Variants in COG5 observed in about 807,000 individuals in gnomAD.
The protein encoded by COG5 is conserved oligomeric Golgi complex subunit 5.
A neutral mutation model predicts 110.4 loss-of-function variants in COG5; 86 were observed. The observed-to-expected ratio is 0.78, with a 90% CI of 0.65 to 0.93. COG5 has a LOEUF of 0.93. COG5 is among the 40% of genes least tolerant of loss of function. The probability of loss-of-function intolerance (pLI) is 0.00; values close to 1 mark genes in which losing one functional copy is unlikely to be tolerated. For missense variants in COG5, 1,077 were observed against 987.0 expected (o/e 1.09, Z -1.22); for synonymous variants, 360 against 334.6 (o/e 1.08, Z -0.83).
At chr7:107,510,448 G>A (rs552117987) in intron 6 of COG5, among the ~76,000 whole-genome samples, 5 of 152,202 alleles carry the variant, frequency 3.3e-5, no homozygotes, top group South Asian at 2.1e-4. Context: ...CAATAATAAC[G>A]GGAGACTTTA....
At chr7:107,312,023 AT>A (rs889818137) in intron 11 of COG5, among the ~76,000 whole-genome samples, 9 of 149,478 alleles carry the variant, frequency 6.0e-5, no homozygotes, top group African/African-American at 1.5e-4. Flanking sequence ...TAAACTGGGG[AT>A]TTTTTTTTTC....
intron 10 of COG5, among the ~76,000 whole-genome samples, chr7:107,326,063 C>T (rs1024163392): frequency 7.2e-5 from 11 of 152,106 alleles, no homozygotes; most frequent in Admixed American, 5.2e-4. Context: ...ACCACATGGT[C>T]GTCTCAATTA....
Position 107,203,467 on chromosome 7 carries a change from A to G in COG5, c.*49T>C, listed in dbSNP as rs760915377. The G allele has an allele frequency of 4.7e-6, 6 of 1,269,770 alleles. No homozygotes were observed. Among genetic ancestry groups the G allele is most frequent in the African/African-American group, 4.4e-5 (3 of 68,214 alleles). The allele number at this position is 1,269,770 out of a possible 1,614,324, so 78.7% of individuals were successfully genotyped here. ...TTTTGGAGTATGTGTTTAACTGCCA[A>G]CTATGAATGGGTTAGCACAAAGTGG... On this transcript the variant is annotated 3_prime_UTR_variant, in exon 22 of 22. Transcript: ENST00000297135.
At chr7:107,384,038 T>C (rs963875414) in intron 7 of COG5, among the ~76,000 whole-genome samples, 5 of 152,198 alleles carry the variant, frequency 3.3e-5, no homozygotes, top group East Asian at 1.9e-4. Context: ...TCGGAATTTC[T>C]GAGCTGTCCT....
At chr7:107,522,418 A>G (rs1800402000) in intron 6 of COG5, among the ~76,000 whole-genome samples, 1 of 152,170 alleles carries the variant, frequency 6.6e-6, no homozygotes, top group Admixed American at 6.5e-5. Context: ...CGGTGAGCGG[A>G]GATTGCGCCA....
intron 6 of COG5, among the ~76,000 whole-genome samples, chr7:107,455,819 G>A (rs190092097): frequency 5.3e-5 from 8 of 152,122 alleles, no homozygotes; most frequent in Non-Finnish European, 8.8e-5. Flanking sequence ...TTGAGACAGA[G>A]TCTCACTCCA....
intron 17 of COG5, among the ~76,000 whole-genome samples, chr7:107,237,119 C>T (rs1801254374): frequency 1.3e-5 from 2 of 152,188 alleles, no homozygotes; most frequent in Non-Finnish European, 2.9e-5. Context: ...GAAAATGCTG[C>T]TTTCCCTATA....
chr7:107,413,087 G>C (rs1792429274), intron 6 of COG5, among the ~76,000 whole-genome samples: 1 of 151,696 alleles, frequency 6.6e-6, no homozygotes, highest in African/African-American at 2.4e-5. Flanking sequence ...TGTGATTATA[G>C]TTCACTATAG....
At chr7:107,303,010 C>T (rs917205312) in intron 11 of COG5, among the ~76,000 whole-genome samples, 5 of 152,160 alleles carry the variant, frequency 3.3e-5, no homozygotes, top group Non-Finnish European at 5.9e-5. Flanking sequence ...TGCCTTTTTT[C>T]TTCAAAGCAC....
chr7:107,510,494 C>T (rs1799414803), intron 6 of COG5, among the ~76,000 whole-genome samples: 1 of 152,112 alleles, frequency 6.6e-6, no homozygotes, highest in African/African-American at 2.4e-5. Flanking sequence ...ATCAACGAGA[C>T]AGAAAGTTAA....
At chr7:107,256,819 A>G (rs1179340411) in intron 15 of COG5, 25 bp from the exon 16 acceptor site, 3 of 1,569,850 alleles carry the variant, frequency 1.9e-6, no homozygotes, top group East Asian at 4.5e-5. Flanking sequence ...TGATCCAGTT[A>G]TAGTTTCGCT....
rs961496888 is a variant in COG5 at position 107,203,305 on chromosome 7, T to G, written c.*211A>C. ...AGAGGAAAACATCTTTCTGGAAAAATCAGGTCCATGGAATTGAAAGGTGGT... is the reference window on the plus strand; with the variant it reads ...AGAGGAAAACATCTTTCTGGAAAAAGCAGGTCCATGGAATTGAAAGGTGGT... On this transcript the variant is annotated 3_prime_UTR_variant, in exon 22 of 22. Coordinates refer to ENST00000297135, the MANE Select transcript of COG5 (RefSeq NM_006348.5). 3 of 577,068 alleles carry G rather than the reference T, an allele frequency of 5.2e-6. No homozygotes were observed. In the African/African-American group the frequency reaches 5.6e-5, roughly 11 times the overall value. The allele number at this position is 577,068 out of a possible 1,614,324, so 35.7% of individuals were successfully genotyped here.
chr7:107,465,011 T>C (rs958034063), intron 6 of COG5, among the ~76,000 whole-genome samples: 3 of 152,194 alleles, frequency 2.0e-5, no homozygotes, highest in Non-Finnish European at 2.9e-5. Context: ...AGGGTAGTTC[T>C]GTTAGGGCTT....
At chr7:107,235,600 A>G (rs4727671) in intron 18 of COG5, among the ~76,000 whole-genome samples, 27,079 of 152,190 alleles carry the variant, frequency 0.18, 2,595 homozygotes, top group Non-Finnish European at 0.22. Context: ...CTACTCGGGA[A>G]GCTGAGGCAG....
At chr7:107,398,434 A>G (rs940856732) in intron 7 of COG5, among the ~76,000 whole-genome samples, 1 of 152,226 alleles carries the variant, frequency 6.6e-6, no homozygotes, top group African/African-American at 2.4e-5. Context: ...CTGTCAGATC[A>G]GCAGCAGCGT....
intron 6 of COG5, among the ~76,000 whole-genome samples, chr7:107,515,170 G>A (rs563773742): frequency 1.3e-5 from 2 of 152,080 alleles, no homozygotes; most frequent in East Asian, 3.9e-4. Flanking sequence ...TTACTTTATG[G>A]GAAATTTTTC....
At chr7:107,456,774 C>G (rs1394566330) in intron 6 of COG5, among the ~76,000 whole-genome samples, 1 of 152,206 alleles carries the variant, frequency 6.6e-6, no homozygotes, top group African/African-American at 2.4e-5. Flanking sequence ...GATCAACTCT[C>G]AAACTCACAG....
chr7:107,353,712 AGATT>A (rs1812378042), intron 10 of COG5, among the ~76,000 whole-genome samples: 1 of 152,198 alleles, frequency 6.6e-6, no homozygotes, highest in African/African-American at 2.4e-5. Context: ...AATGTCCCTA[AGATT>A]GTTACACCAG....
chr7:107,416,651 A>G (rs1015528039), intron 6 of COG5, among the ~76,000 whole-genome samples: 4 of 152,186 alleles, frequency 2.6e-5, no homozygotes, highest in Admixed American at 2.6e-4. Flanking sequence ...ATTTTTAGAC[A>G]AGGACTTCAC....
Sources: gnomAD v4.1 joint callset for allele counts (sites outside exome capture counted in the v4.1 genomes callset) on GRCh38, gnomAD v4.1.1 for gene constraint, MANE v1.5 for transcripts, NCBI Gene and HGNC (gene_info 2026-07-23, HGNC 2026-07-21) for gene names.